The following OXTR variants were observed in gnomAD, a reference collection of about 807,000 sequenced individuals.
OXTR encodes the protein oxytocin receptor.
In OXTR, 19 loss-of-function variants were observed where a neutral mutation model predicts 23.9. The ratio of observed to expected loss-of-function variants is 0.80; its 90% CI spans 0.56 to 1.17. The LOEUF (loss-of-function observed/expected upper bound fraction) is 1.17, where lower values mean the gene tolerates loss of function less well. Among genes scored for constraint, OXTR ranks in the 50% most tolerant of loss-of-function variants. OXTR has a pLI of 0.00. For missense variants in OXTR, 500 were observed against 550.7 expected (o/e 0.91, Z 0.92); for synonymous variants, 278 against 250.5 (o/e 1.11, Z -1.04).
intron 3 of OXTR, among the ~76,000 whole-genome samples, chr3:8,766,096 A>G (rs1340059619): frequency 6.6e-6 from 1 of 152,228 alleles, no homozygotes; most frequent in Admixed American, 6.5e-5. Context: ...GGGTGAAAGC[A>G]AATCCTTTGG....
downstream of OXTR, among the ~76,000 whole-genome samples, chr3:8,749,292 G>A (rs917106677): frequency 1.3e-5 from 2 of 152,108 alleles, no homozygotes; most frequent in South Asian, 2.1e-4. Flanking sequence ...CAATGTACCC[G>A]CCAGAGCTTT....
chr3:8,744,919 CA>C, the OXTR span: 1 of 153,330 alleles, frequency 6.5e-6, no homozygotes, highest in African/African-American at 2.4e-5. Context: ...TTGGGCTCAA[CA>C]GGGAGCTTGT....
intron 1 of OXTR, 23 bp downstream of exon 1, chr3:8,769,208 A>C (rs1025380025): frequency 5.9e-5 from 9 of 152,162 alleles, no homozygotes; most frequent in Admixed American, 5.9e-4. Context: ...CATCCCGTCC[A>C]CCCCTGCTTA....
Position 8,769,568 on chromosome 3 carries a change from T to C in OXTR, c.-576A>G, listed in dbSNP as rs201220879. ...GGGCGAGGCCAGCCGCGCAGACCCC[T>C]CCGGAGCGGAGCTGGTTCGCCCAGC... On this transcript the variant is annotated 5_prime_UTR_variant, in exon 1 of 4. Coordinates refer to ENST00000316793, the MANE Select transcript of OXTR (RefSeq NM_000916.4). 9 of 152,382 alleles carry C rather than the reference T, an allele frequency of 5.9e-5. No homozygotes were observed. The Middle Eastern group carries it at 0.014, about 230-fold the overall frequency. The allele number at this position is 152,382 out of a possible 1,614,324, so 9.4% of individuals were successfully genotyped here. A position where few individuals can be genotyped will look rare whatever the true frequency, so the allele number is the denominator to read the frequency against.
At chr3:8,761,445 G>A (rs924295630) in intron 3 of OXTR, among the ~76,000 whole-genome samples, 5 of 152,076 alleles carry the variant, frequency 3.3e-5, no homozygotes, top group Non-Finnish European at 5.9e-5. Flanking sequence ...TCTAACAAGC[G>A]CCCAGGAGAT....
At position 8,767,277 on chromosome 3, in the gene OXTR, G is replaced by C; in HGVS notation, c.911C>G (p.Ala304Gly). The change falls in exon 3 of 4, where the codon GCG becomes GGG. Residue 304 changes from alanine to glycine, a missense_variant. Ala to Gly is a moderately conservative substitution (Grantham distance 60). Transcript: ENST00000316793. ...VQMWSVWDAN[A>G]PKEASAFIIV... ...CCAGCCCTGGCTACCTTCCTTGGGC[G>C]CGTTGGCATCCCAGACGCTCCACAT... 1 of 1,548,954 alleles carries C rather than the reference G, an allele frequency of 6.5e-7. No homozygotes were observed. The highest frequency in any genetic ancestry group is 8.7e-7 in the Non-Finnish European group (1 of 1,148,392).
Position 8,768,989 on chromosome 3 carries a change from C to T in OXTR, c.-239+242G>A. ...TGTTCCCAGACCCTGGCATAGACAC[C>T]TCCCGCGGGGCTCCTCCCCAGCCCG... On this transcript the variant is annotated intron_variant, in intron 1 of 3. Transcript: ENST00000316793. This position sits in a 1 kb window ranked among gnomAD's most constrained non-coding sequence, Gnocchi z 5.4. 6.6e-6 allele frequency among the ~76,000 whole-genome samples: 1 copy of T among 152,210 alleles called. No individual in the cohort carries two copies. The highest frequency in any genetic ancestry group is 1.9e-4 in the East Asian group (1 of 5,190).
At chr3:8,742,536 G>A in the OXTR span, 1 of 455,026 alleles carries the variant, frequency 2.2e-6, no homozygotes, top group Non-Finnish European at 4.4e-6. Flanking sequence ...TAACTAAGTA[G>A]GCTGGAGAAT....
intron 3 of OXTR, among the ~76,000 whole-genome samples, chr3:8,762,328 C>A (rs1708505946): frequency 1.3e-5 from 2 of 152,152 alleles, no homozygotes; most frequent in Admixed American, 1.3e-4. Flanking sequence ...GGATTTTTGT[C>A]TTTTTAGCTG....
At chr3:8,753,599 A>C (rs1272402410) in intron 3 of OXTR, among the ~76,000 whole-genome samples, 1 of 152,202 alleles carries the variant, frequency 6.6e-6, no homozygotes, top group African/African-American at 2.4e-5. Flanking sequence ...AGTGTCTGCA[A>C]GCACAGTACC....
Position 8,751,998 on chromosome 3 carries a change from GAT to G in OXTR, c.*977_*978del, listed in dbSNP as rs1302177461. On this transcript the variant is annotated 3_prime_UTR_variant, in exon 4 of 4. Transcript: ENST00000316793. ...TACTAAGTCTGATCCATGAACACAG[GAT>G]GTCTTTCCATTTATTTAAGCCTTCT... 1 of 152,144 alleles carries G rather than the reference GAT, an allele frequency of 6.6e-6. No homozygotes were observed. Among genetic ancestry groups the G allele is most frequent in the Non-Finnish European group, 1.5e-5 (1 of 68,024 alleles). 9.4% of individuals were successfully genotyped at this position (152,144 alleles called of 1,614,324 possible).
At chr3:8,742,559 C>T in the OXTR span, 6 of 451,632 alleles carry the variant, frequency 1.3e-5, no homozygotes, top group Non-Finnish European at 2.7e-5. Flanking sequence ...TCCGGGATGT[C>T]AAAAGAATTT....
At chr3:8,746,206 C>T (rs190266441), downstream of OXTR, 13 of 232,636 alleles carry the variant, frequency 5.6e-5, no homozygotes, top group South Asian at 9.2e-4. Context: ...AACCTCTCCA[C>T]GCGCACTCAG....
At chr3:8,756,619 C>G (rs754568017) in intron 3 of OXTR, among the ~76,000 whole-genome samples, 59 of 152,306 alleles carry the variant, frequency 3.9e-4, no homozygotes, top group Non-Finnish European at 6.6e-4. Flanking sequence ...GTGCCCATTC[C>G]CCATTTTTGA....
chr3:8,762,168 A>G (rs1293500229), intron 3 of OXTR, among the ~76,000 whole-genome samples: 3 of 152,038 alleles, frequency 2.0e-5, no homozygotes, highest in Non-Finnish European at 4.4e-5. Context: ...GCACCTGCTA[A>G]TCTCCTCCTG....
intron 3 of OXTR, among the ~76,000 whole-genome samples, chr3:8,763,294 C>G (rs1375220634): frequency 2.0e-5 from 3 of 152,244 alleles, no homozygotes; most frequent in African/African-American, 7.2e-5. Flanking sequence ...TCACATCAAC[C>G]CCAGGCAGTG....
the OXTR span, chr3:8,744,763 C>A: frequency 6.6e-6 from 1 of 152,270 alleles, no homozygotes; most frequent in African/African-American, 2.4e-5. Context: ...CCGTCCAACA[C>A]CCTTCAGATC....
Position 8,768,086 on chromosome 3 carries a change from G to A in OXTR, c.102C>T (p.Arg34=). The part of the protein sequence containing the change: ...EGNRTAGPPR[R]NEALARVEVA... ...CCTCCACGCGCGCCAGGGCCTCGTT[G>A]CGCCGCGGGGGTCCGGCGGTGCGGT... The change falls in exon 3 of 4, where the codon CGC becomes CGT. Residue 34 remains arginine (R), a synonymous_variant. Coordinates refer to ENST00000316793, the MANE Select transcript of OXTR (RefSeq NM_000916.4). This position sits in a 1 kb window ranked among gnomAD's most constrained non-coding sequence, Gnocchi z 5.4. 6.8e-7 allele frequency: 1 copy of A among 1,477,502 alleles called. No homozygotes were observed. Among genetic ancestry groups the A allele is most frequent in the Non-Finnish European group, 9.0e-7 (1 of 1,114,712 alleles). The allele number at this position is 1,477,502 out of a possible 1,614,324, so 91.5% of individuals were successfully genotyped here. A position where few individuals can be genotyped will look rare whatever the true frequency, so the allele number is the denominator to read the frequency against.
At chr3:8,766,545 CAAGTGG>C (rs1708611793) in intron 3 of OXTR, among the ~76,000 whole-genome samples, 5 of 151,996 alleles carry the variant, frequency 3.3e-5, no homozygotes, top group Admixed American at 3.3e-4. Flanking sequence ...CTCTTTCCTC[CAAGTGG>C]AAGTGAAGTC....
Sources: gnomAD v4.1 joint callset for allele counts (sites outside exome capture counted in the v4.1 genomes callset) on GRCh38, gnomAD v4.1.1 for gene constraint, Gnocchi (gnomAD v3.1) non-coding constraint, MANE v1.5 for transcripts, NCBI Gene and HGNC (gene_info 2026-07-23, HGNC 2026-07-21) for gene names.